The following EXOC6B variants were observed in gnomAD, a reference collection of about 807,000 sequenced individuals.
EXOC6B encodes the protein exocyst complex component 6B.
A neutral mutation model predicts 113.5 loss-of-function variants in EXOC6B; 54 were observed. The ratio of observed to expected loss-of-function variants is 0.48; its 90% CI spans 0.38 to 0.60. The LOEUF is 0.60. Ranked by LOEUF, EXOC6B falls within the 20% of genes least tolerant of loss-of-function variation. The pLI is 0.00. For missense variants in EXOC6B, 797 were observed against 977.5 expected (o/e 0.82, Z 2.46); for synonymous variants, 357 against 339.0 (o/e 1.05, Z -0.58).
intron 1 of EXOC6B, among the ~76,000 whole-genome samples, chr2:72,795,854 T>C (rs2105058044): frequency 6.6e-6 from 1 of 152,150 alleles, no homozygotes; most frequent in East Asian, 2.0e-4. Flanking sequence ...TGAGACCAAG[T>C]CTCGCTCTGT....
intron 18 of EXOC6B, among the ~76,000 whole-genome samples, chr2:72,404,117 A>G (rs563749053): frequency 3.6e-4 from 55 of 152,306 alleles, no homozygotes; most frequent in African/African-American, 1.2e-3. Context: ...CATTGCTAGC[A>G]CAGCAGTCTG....
chr2:72,620,892 T>C (rs535985557), intron 6 of EXOC6B, among the ~76,000 whole-genome samples: 1 of 151,498 alleles, frequency 6.6e-6, no homozygotes, highest in East Asian at 1.9e-4. Context: ...CCAACAAAAA[T>C]ATGAAAAAAA....
intron 20 of EXOC6B, among the ~76,000 whole-genome samples, chr2:72,226,812 G>A (rs1463285268): frequency 2.0e-5 from 3 of 152,134 alleles, no homozygotes; most frequent in Non-Finnish European, 2.9e-5. Flanking sequence ...GGTTTTCAAG[G>A]TACAGTATGT....
intron 17 of EXOC6B, among the ~76,000 whole-genome samples, chr2:72,466,460 A>G (rs1429519086): frequency 6.6e-6 from 1 of 152,134 alleles, no homozygotes; most frequent in Non-Finnish European, 1.5e-5. Flanking sequence ...TCTAAGCAAG[A>G]TCTTAAATTC....
chr2:72,553,815 T>C (rs1703376188), intron 8 of EXOC6B, among the ~76,000 whole-genome samples: 1 of 152,116 alleles, frequency 6.6e-6, no homozygotes, highest in Non-Finnish European at 1.5e-5. Flanking sequence ...TGTACTAACT[T>C]GTTATAATAT....
intron 20 of EXOC6B, among the ~76,000 whole-genome samples, chr2:72,185,333 T>G (rs919288800): frequency 2.6e-5 from 4 of 152,374 alleles, no homozygotes; most frequent in Admixed American, 6.5e-5. Context: ...CACACCTTCC[T>G]CCATGTCTGT....
chr2:72,642,038 T>A (rs1025526052), intron 6 of EXOC6B, among the ~76,000 whole-genome samples: 3 of 151,968 alleles, frequency 2.0e-5, no homozygotes, highest in Non-Finnish European at 2.9e-5. Context: ...AGAAATAGCA[T>A]CAACATCAAC....
intron 1 of EXOC6B, among the ~76,000 whole-genome samples, chr2:72,754,790 A>AT (rs888197980): frequency 6.9e-6 from 1 of 145,838 alleles, no homozygotes; most frequent in Admixed American, 6.8e-5. Flanking sequence ...ATTTTTTAAA[A>AT]TTTTTTTTTG....
intron 1 of EXOC6B, chr2:72,760,697 A>G (rs1573752095): frequency 6.6e-6 from 1 of 152,252 alleles, no homozygotes; most frequent in Admixed American, 6.5e-5. Context: ...CACAAGTGAT[A>G]ACAAAACTCA....
At chr2:72,232,901 G>A (rs765357452) in intron 20 of EXOC6B, among the ~76,000 whole-genome samples, 12 of 151,764 alleles carry the variant, frequency 7.9e-5, no homozygotes, top group East Asian at 1.9e-4. Flanking sequence ...GTGAAATTCC[G>A]TCTCTACTAT....
chr2:72,412,384 A>G (rs1694239065), intron 18 of EXOC6B, among the ~76,000 whole-genome samples: 1 of 152,242 alleles, frequency 6.6e-6, no homozygotes, highest in Non-Finnish European at 1.5e-5. Flanking sequence ...ACACTGCTCT[A>G]GGTAACAACC....
At chr2:72,552,880 A>G (rs1204340790) in intron 8 of EXOC6B, among the ~76,000 whole-genome samples, 2 of 151,994 alleles carry the variant, frequency 1.3e-5, no homozygotes, top group Non-Finnish European at 2.9e-5. Context: ...AATAAAAATT[A>G]TTTACCAAAA....
intron 6 of EXOC6B, among the ~76,000 whole-genome samples, chr2:72,640,643 G>A (rs1673159734): frequency 2.0e-5 from 3 of 152,180 alleles, no homozygotes. Flanking sequence ...AAGCCTATCA[G>A]ACTAACAGCA....
At chr2:72,509,862 C>G (rs191437871) in intron 11 of EXOC6B, among the ~76,000 whole-genome samples, 2 of 152,090 alleles carry the variant, frequency 1.3e-5, no homozygotes, top group African/African-American at 4.8e-5. Flanking sequence ...GAGACAGAGT[C>G]TTGCTCTGTC....
intron 6 of EXOC6B, among the ~76,000 whole-genome samples, chr2:72,662,030 G>A (rs899293310): frequency 1.4e-5 from 2 of 139,326 alleles, no homozygotes; most frequent in Non-Finnish European, 3.0e-5. Context: ...GGAAAGGAAG[G>A]AGGGGAGAAA....
intron 6 of EXOC6B, among the ~76,000 whole-genome samples, chr2:72,613,028 T>C (rs1258366349): frequency 6.6e-6 from 1 of 152,164 alleles, no homozygotes; most frequent in Non-Finnish European, 1.5e-5. Flanking sequence ...GAGAGAGGAA[T>C]CATTGCATCA....
intron 20 of EXOC6B, among the ~76,000 whole-genome samples, chr2:72,204,970 C>T (rs904073046): frequency 2.0e-5 from 3 of 152,072 alleles, no homozygotes; most frequent in African/African-American, 4.8e-5. Flanking sequence ...TAAAACTCAA[C>T]GGAATAGCTG....
chr2:72,189,860 C>CTTTCTTTTT lies in EXOC6B; in HGVS notation c.2197-5674_2197-5673insAAAAAGAAA, dbSNP rs1553462592. Among the ~76,000 whole-genome samples the CTTTCTTTTT allele has an allele frequency of 7.8e-4, 68 of 87,212 alleles. 2 individuals are homozygous for CTTTCTTTTT. Among genetic ancestry groups the CTTTCTTTTT allele is most frequent in the African/African-American group, 3.1e-3 (48 of 15,346 alleles). 57.2% of individuals were successfully genotyped at this position (87,212 alleles called of 152,430 possible). The stretch of plus-strand genomic sequence containing the variant: ...TCTCTCTCTCTTTCTCCTTCTTCTT[C>CTTTCTTTTT]TTTTTTTTTTTTTTTTTTTTGAGGC... On this transcript the variant is annotated intron_variant, in intron 20 of 21. Transcript: ENST00000272427.
At position 72,719,636 on chromosome 2, in the gene EXOC6B, A is replaced by G. The variant is rs143826153; in HGVS notation, c.465-1329T>C. 3.3e-3 allele frequency among the ~76,000 whole-genome samples: 505 copies of G among 152,304 alleles called. 2 individuals are homozygous for G. Among genetic ancestry groups the G allele is most frequent in the African/African-American group, 0.012 (481 of 41,550 alleles). On this transcript the variant is annotated intron_variant, in intron 5 of 21. Transcript: ENST00000272427. Reference sequence around the variant, plus strand: ...ACAAACTCATTAGCAAAGACTGGAAACCTTACTCACTCAAGTTTGTTTGAG... The same window carrying G: ...ACAAACTCATTAGCAAAGACTGGAAGCCTTACTCACTCAAGTTTGTTTGAG...
Sources: allele counts gnomAD v4.1 joint callset (sites outside exome capture counted in the v4.1 genomes callset), GRCh38; gene constraint gnomAD v4.1.1; transcripts MANE v1.5; gene names NCBI Gene and HGNC (gene_info 2026-07-23, HGNC 2026-07-21).